Variants in ZFPM2 observed in about 807,000 individuals in gnomAD.
ZFPM2 encodes zinc finger protein, FOG family member 2.
In ZFPM2, 20 loss-of-function variants were observed where a neutral mutation model predicts 98.6. The ratio of observed to expected loss-of-function variants is 0.20; its 90% CI spans 0.14 to 0.29. The LOEUF (loss-of-function observed/expected upper bound fraction) is 0.29. Among genes scored for constraint, ZFPM2 ranks in the 10% least tolerant of loss-of-function variants. ZFPM2 has a pLI of 1.00. For missense variants in ZFPM2, 1,310 were observed against 1,388.6 expected, an observed-to-expected ratio of 0.94 and a Z score of 0.90; for synonymous variants, 518 against 502.7, an observed-to-expected ratio of 1.03 and a Z score of -0.41.
intron 3 of ZFPM2, among the ~76,000 whole-genome samples, chr8:105,524,488 C>T (rs1387070750): frequency 7.0e-6 from 1 of 142,516 alleles, no homozygotes; most frequent in African/African-American, 3.0e-5. Flanking sequence ...GTGTGTGTTT[C>T]TCTCTCTCTC....
intron 4 of ZFPM2, among the ~76,000 whole-genome samples, chr8:105,621,788 A>G (rs559417352): frequency 4.6e-4 from 70 of 152,226 alleles, no homozygotes; most frequent in African/African-American, 1.4e-3. Flanking sequence ...ACCTATAAAT[A>G]TTATTGAATG....
rs554298495 is a variant in ZFPM2 at position 105,784,031 on chromosome 8, C to CT, written c.533-4679dup. ...CAGTTTCTCTACATCCTTAACAACA[C>CT]TTTTTTTTATAATGATGCCCTCATT... On this transcript the variant is annotated intron_variant, in intron 5 of 7. Transcript: ENST00000407775. Among the ~76,000 whole-genome samples, 328 of 152,022 alleles carry CT rather than the reference C, an allele frequency of 2.2e-3. 3 individuals carry two copies. Among genetic ancestry groups the CT allele is most frequent in the African/African-American group, 5.5e-3 (230 of 41,486 alleles).
At chr8:105,671,489 G>GA (rs924865504) in intron 5 of ZFPM2, among the ~76,000 whole-genome samples, 1 of 150,920 alleles carries the variant, frequency 6.6e-6, no homozygotes, top group South Asian at 2.1e-4. Flanking sequence ...ATTATCAGAG[G>GA]AAAAAAAAGA....
At chr8:105,624,607 ATAATTT>A (rs1283362987) in intron 4 of ZFPM2, among the ~76,000 whole-genome samples, 1 of 152,188 alleles carries the variant, frequency 6.6e-6, no homozygotes, top group Non-Finnish European at 1.5e-5. Flanking sequence ...ATCTTGAAGA[ATAATTT>A]TATATTATTT....
chr8:105,676,356 T>C (rs548762469), intron 5 of ZFPM2, among the ~76,000 whole-genome samples: 54 of 152,278 alleles, frequency 3.5e-4, no homozygotes, highest in Non-Finnish European at 7.2e-4. Context: ...TAAAATTCCC[T>C]GCTTCACTAT....
intron 1 of ZFPM2, among the ~76,000 whole-genome samples, chr8:105,346,133 T>G (rs1812522027): frequency 1.3e-5 from 2 of 152,148 alleles, no homozygotes. Flanking sequence ...CACCTGTAAT[T>G]CCAGCACTTT....
chr8:105,657,979 G>GT (rs1488455431), intron 5 of ZFPM2, among the ~76,000 whole-genome samples: 10 of 152,116 alleles, frequency 6.6e-5, no homozygotes, highest in Non-Finnish European at 1.2e-4. Context: ...ACTCATTCAT[G>GT]TTTTTTTGTG....
chr8:105,527,630 G>A (rs917870356), intron 3 of ZFPM2, among the ~76,000 whole-genome samples: 2 of 152,158 alleles, frequency 1.3e-5, no homozygotes, highest in Non-Finnish European at 2.9e-5. Context: ...GGTGTTACAG[G>A]CTTGTAAAAC....
chr8:105,360,719 C>T (rs1180474275), intron 1 of ZFPM2, among the ~76,000 whole-genome samples: 9 of 145,504 alleles, frequency 6.2e-5, no homozygotes, highest in Non-Finnish European at 9.0e-5. Context: ...TGAGAATATG[C>T]GGTGTTTGGT....
intron 5 of ZFPM2, among the ~76,000 whole-genome samples, chr8:105,778,850 C>A (rs952590964): frequency 1.3e-5 from 2 of 151,172 alleles, no homozygotes; most frequent in African/African-American, 4.9e-5. Flanking sequence ...AAAAATTACC[C>A]ATGGTAAAAT....
intron 3 of ZFPM2, among the ~76,000 whole-genome samples, chr8:105,556,133 T>A (rs1814984467): frequency 6.6e-6 from 1 of 152,104 alleles, no homozygotes; most frequent in Non-Finnish European, 1.5e-5. Context: ...TGGCAGAGAT[T>A]TGAAACCTGA....
chr8:105,401,347 AGTTT>A (rs1485637771), intron 1 of ZFPM2, among the ~76,000 whole-genome samples: 1 of 152,016 alleles, frequency 6.6e-6, no homozygotes, highest in Admixed American at 6.6e-5. Flanking sequence ...TGTATTTTCA[AGTTT>A]GTTAGTATAA....
chr8:105,354,876 C>T (rs1182438357), intron 1 of ZFPM2, among the ~76,000 whole-genome samples: 1 of 152,042 alleles, frequency 6.6e-6, no homozygotes, highest in African/African-American at 2.4e-5. Context: ...ATGGCATGAA[C>T]CCGGGTGGCG....
chr8:105,437,396 G>T (rs530855196), intron 2 of ZFPM2, among the ~76,000 whole-genome samples: 18 of 152,216 alleles, frequency 1.2e-4, no homozygotes, highest in African/African-American at 4.3e-4. Flanking sequence ...GTTCTGATTT[G>T]GCAGTTAAGT....
At chr8:105,394,890 GGA>G (rs1415332058) in intron 1 of ZFPM2, among the ~76,000 whole-genome samples, 4 of 152,180 alleles carry the variant, frequency 2.6e-5, no homozygotes, top group African/African-American at 9.7e-5. Flanking sequence ...TTGAAACAAG[GGA>G]TGCCTGTTTG....
chr8:105,396,115 A>T (rs1269817746), intron 1 of ZFPM2, among the ~76,000 whole-genome samples: 1 of 152,174 alleles, frequency 6.6e-6, no homozygotes, highest in Non-Finnish European at 1.5e-5. Context: ...CTCTCTGGTC[A>T]TGCTCACCCA....
rs150451338 is a variant in ZFPM2, at chr8:105,431,855, G to A, written c.200-12425G>A. On this transcript the variant is annotated intron_variant, in intron 2 of 7. Coordinates refer to ENST00000407775, the MANE Select transcript of ZFPM2 (RefSeq NM_012082.4). Reference sequence around the variant, plus strand: ...GAGTTGCTTGGGCCTGGGAGTTTGAGGCCACAGTGAGCCGTGATAGTACCA... The same window carrying A: ...GAGTTGCTTGGGCCTGGGAGTTTGAAGCCACAGTGAGCCGTGATAGTACCA... Among the ~76,000 whole-genome samples the A allele has an allele frequency of 2.0e-3, 302 of 150,880 alleles. 2 individuals are homozygous for A. The highest frequency in any genetic ancestry group is 0.017 in the Admixed American group (263 of 15,074).
chr8:105,582,531 G>A (rs1815624040), intron 4 of ZFPM2, among the ~76,000 whole-genome samples: 1 of 152,190 alleles, frequency 6.6e-6, no homozygotes, highest in African/African-American at 2.4e-5. Flanking sequence ...TGCCAATGTG[G>A]AGAAACCGTG....
rs1815067711 is a variant in ZFPM2, at chr8:105,559,068, A to G, written c.302-2295A>G. On this transcript the variant is annotated intron_variant, in intron 3 of 7. Coordinates refer to ENST00000407775, the MANE Select transcript of ZFPM2 (RefSeq NM_012082.4). Reference sequence around the variant, plus strand: ...ACTGATTCCTCTCTGACATCAGAGTAGATTGTTATCTTTGTGCTCTGTCTC... The same window carrying G: ...ACTGATTCCTCTCTGACATCAGAGTGGATTGTTATCTTTGTGCTCTGTCTC... Among the ~76,000 whole-genome samples the G allele has an allele frequency of 3.3e-5, 5 of 151,658 alleles. No individual in the cohort carries two copies. In the South Asian group the frequency reaches 1.0e-3, roughly 31 times the overall value.
Sources: gnomAD v4.1 joint callset for allele counts (sites outside exome capture counted in the v4.1 genomes callset) on GRCh38, gnomAD v4.1.1 for gene constraint, MANE v1.5 for transcripts, NCBI Gene and HGNC (gene_info 2026-07-23, HGNC 2026-07-21) for gene names.